STX1A: variants seen among roughly 807,000 people sequenced by gnomAD.
The protein encoded by STX1A is syntaxin-1A.
A neutral mutation model predicts 37.8 loss-of-function variants in STX1A; 4 were observed. That is an observed-to-expected ratio of 0.11 (90% CI 0.05 to 0.24). STX1A has a LOEUF of 0.24. Ranked by LOEUF, STX1A falls within the 10% of genes least tolerant of loss-of-function variation. STX1A has a pLI of 1.00. For synonymous variants in STX1A, 135 were observed against 147.4 expected, an observed-to-expected ratio of 0.92 and a Z score of 0.61; for missense variants, 251 against 399.9, an observed-to-expected ratio of 0.63 and a Z score of 3.18.
rs782627882 is a variant in STX1A, at chr7:73,709,131, G to A, written c.31-9C>T. 1 of 1,611,934 alleles carries A rather than the reference G, an allele frequency of 6.2e-7. No individual in the cohort carries two copies. Among genetic ancestry groups the A allele is most frequent in the South Asian group, 1.1e-5 (1 of 91,078 alleles). ...TCATCGCTGTCCTTGGCCTGTGCGGGGTTGTGCACACATAAGTGGACGTAT... is the reference window on the plus strand; with the variant it reads ...TCATCGCTGTCCTTGGCCTGTGCGGAGTTGTGCACACATAAGTGGACGTAT... On this transcript the variant is annotated splice_polypyrimidine_tract_variant and intron_variant, in intron 1 of 9. Coordinates refer to ENST00000222812, the MANE Select transcript of STX1A (RefSeq NM_004603.4). This position sits in a 1 kb window ranked among gnomAD's most constrained non-coding sequence, Gnocchi z 4.2.
Position 73,705,248 on chromosome 7 carries a change from G to T in STX1A, c.209-24C>A, listed in dbSNP as rs200546397. ...CTCTGGGGAGGTAGAAAGGGTGGGG[G>T]TAGGCCTCCTAGGCTCCGCGGGGAC... On this transcript the variant is annotated intron_variant, in intron 3 of 9. Coordinates refer to ENST00000222812, the MANE Select transcript of STX1A (RefSeq NM_004603.4). The surrounding 1 kb of genome is among the most constrained non-coding windows in gnomAD (Gnocchi z 5.2). 5.0e-6 allele frequency: 8 copies of T among 1,606,714 alleles called. No individual in the cohort carries two copies. In the African/African-American group the frequency reaches 1.1e-4, roughly 21 times the overall value.
chr7:73,701,676 T>C (rs1200611818), intron 8 of STX1A, among the ~76,000 whole-genome samples: 12 of 152,112 alleles, frequency 7.9e-5, no homozygotes, highest in Middle Eastern at 3.2e-3. Context: ...TCCAAGTCCA[T>C]CGGTTGCCTT....
intron 1 of STX1A, among the ~76,000 whole-genome samples, chr7:73,714,195 G>A (rs7776771): frequency 0.49 from 74,021 of 150,708 alleles, 18,455 homozygotes; most frequent in Middle Eastern, 0.63. Context: ...CACAACCTCC[G>A]CCTCCCAGGT....
intron 1 of STX1A, among the ~76,000 whole-genome samples, chr7:73,710,236 T>A (rs1046623315): frequency 1.3e-5 from 2 of 152,248 alleles, no homozygotes; most frequent in Non-Finnish European, 2.9e-5. Context: ...ATCATACTTC[T>A]GACTTCCCAG....
rs1584240754 is a variant in STX1A, at chr7:73,702,691, G to A, written c.678+154C>T. ...GAGGACAGGGACCTTCGGGTCGGCA[G>A]GGCCCTGGCGGCAGTTTCAACAGCG... On this transcript the variant is annotated intron_variant, in intron 8 of 9. Transcript: ENST00000222812. This position sits in a 1 kb window ranked among gnomAD's most constrained non-coding sequence, Gnocchi z 4.7. The A allele has an allele frequency of 6.7e-7, 1 of 1,501,088 alleles. No homozygotes were observed. The highest frequency in any genetic ancestry group is 8.9e-7 in the Non-Finnish European group (1 of 1,120,776). 93.0% of individuals were successfully genotyped at this position (1,501,088 alleles called of 1,614,324 possible).
chr7:73,707,302 G>A (rs1401771482), intron 3 of STX1A, among the ~76,000 whole-genome samples: 6 of 152,176 alleles, frequency 3.9e-5, no homozygotes, highest in South Asian at 2.1e-4. Context: ...GACAGAGTGC[G>A]AGCCTGACAC....
intron 1 of STX1A, among the ~76,000 whole-genome samples, chr7:73,718,968 C>G (rs879999275): frequency 5.9e-5 from 9 of 151,922 alleles, no homozygotes; most frequent in African/African-American, 1.7e-4. Flanking sequence ...GACGCCCCCC[C>G]CCCCATACCT....
chr7:73,702,381 G>A lies in STX1A; in HGVS notation c.678+464C>T, dbSNP rs1554616018. On this transcript the variant is annotated intron_variant, in intron 8 of 9. Coordinates refer to ENST00000222812, the MANE Select transcript of STX1A (RefSeq NM_004603.4). This position sits in a 1 kb window ranked among gnomAD's most constrained non-coding sequence, Gnocchi z 4.7. ...CACCTCAGCTGCCAGTCTCTGGGAC[G>A]GGGACCTGGAAACTTACAAGTCCTC... Among the ~76,000 whole-genome samples the A allele has an allele frequency of 6.6e-6, 1 of 152,142 alleles. No homozygotes were observed. Among genetic ancestry groups the A allele is most frequent in the East Asian group, 1.9e-4 (1 of 5,184 alleles).
At chr7:73,713,702 C>T (rs1373092434) in intron 1 of STX1A, among the ~76,000 whole-genome samples, 1 of 152,186 alleles carries the variant, frequency 6.6e-6, no homozygotes, top group Non-Finnish European at 1.5e-5. Context: ...TGCACTCCAG[C>T]TTAGGTGACA....
At chr7:73,710,399 G>C (rs1441381792) in intron 1 of STX1A, among the ~76,000 whole-genome samples, 2 of 152,178 alleles carry the variant, frequency 1.3e-5, no homozygotes, top group African/African-American at 4.8e-5. Flanking sequence ...TCAGCCTGGG[G>C]CTCAGGGCTT....
intron 2 of STX1A, 121 bp downstream of exon 2, chr7:73,708,924 G>T: frequency 1.8e-6 from 2 of 1,134,144 alleles, no homozygotes; most frequent in Non-Finnish European, 2.7e-6. Flanking sequence ...TTCATTCGTT[G>T]GCACCCCGGA....
rs1267018419 is a variant in STX1A, at chr7:73,719,666, G to T, written c.-35C>A. ...AGTGGCAGCGGCGCCGGCTGCAGCC[G>T]TGTGAGCCCCGCATGCGCGACGGCC... On this transcript the variant is annotated 5_prime_UTR_variant, in exon 1 of 10. Transcript: ENST00000222812. 6.8e-6 allele frequency: 8 copies of T among 1,169,398 alleles called. No individual in the cohort carries two copies. Among genetic ancestry groups the T allele is most frequent in the Non-Finnish European group, 6.3e-6 (6 of 945,444 alleles). The allele number at this position is 1,169,398 out of a possible 1,614,324, so 72.4% of individuals were successfully genotyped here.
rs371575027 is a variant in STX1A at position 73,705,180 on chromosome 7, T to C, written c.253A>G (p.Thr85Ala). Reference protein sequence around the residue: ...LEELMSDIKKTANKVRSKLKS... With the variant: ...LEELMSDIKKAANKVRSKLKS... ...AACTTGGAACGAACTTTGTTTGCTG[T>C]CTTCTTTATGTCGGACATGAGTTCT... is the stretch of plus-strand genomic sequence containing the variant. The change falls in exon 4 of 10, where the codon ACA (threonine) becomes GCA (alanine). Residue 85 changes from threonine to alanine, a missense_variant. Coordinates refer to ENST00000222812, the MANE Select transcript of STX1A (RefSeq NM_004603.4). This position sits in a 1 kb window ranked among gnomAD's most constrained non-coding sequence, Gnocchi z 5.2. The C allele has an allele frequency of 1.2e-6, 2 of 1,613,918 alleles. No individual in the cohort carries two copies. The highest frequency in any genetic ancestry group is 1.7e-6 in the Non-Finnish European group (2 of 1,180,008).
intron 3 of STX1A, among the ~76,000 whole-genome samples, 176 bp downstream of exon 3, chr7:73,708,413 C>T (rs1437715954): frequency 3.9e-5 from 6 of 152,148 alleles, no homozygotes; most frequent in African/African-American, 1.4e-4. Flanking sequence ...AGTTCCAAGC[C>T]GGGGACAGCT....
intron 1 of STX1A, chr7:73,716,807 T>A (rs1484897830): frequency 3.3e-5 from 5 of 152,254 alleles, no homozygotes; most frequent in African/African-American, 1.2e-4. Context: ...AGGAAGAAAA[T>A]CAGGGAGTCT....
Position 73,704,426 on chromosome 7 carries a change from G to T in STX1A, c.284-3C>A. The stretch of plus-strand genomic sequence containing the variant: ...TTGCTCGATGGACTGCTCGATGCCT[G>T]GGGGCACAGGTGGCTGCTAAGTCAT... On this transcript the variant is annotated splice_region_variant and splice_polypyrimidine_tract_variant and intron_variant, in intron 4 of 9. Transcript: ENST00000222812. 1 of 1,614,062 alleles carries T rather than the reference G, an allele frequency of 6.2e-7. No homozygotes were observed. The highest frequency in any genetic ancestry group is 8.5e-7 in the Non-Finnish European group (1 of 1,179,994).
chr7:73,711,987 C>A (rs1799118112), intron 1 of STX1A, among the ~76,000 whole-genome samples: 2 of 152,128 alleles, frequency 1.3e-5, no homozygotes, highest in African/African-American at 4.8e-5. Context: ...GCTTCTCTAA[C>A]AGAAGGGCTG....
Position 73,700,850 on chromosome 7 carries a change from CG to C in STX1A, c.679-11del. The C allele has an allele frequency of 1.2e-6, 2 of 1,612,404 alleles. No homozygotes were observed. On this transcript the variant is annotated splice_polypyrimidine_tract_variant and intron_variant, in intron 8 of 9. Coordinates refer to ENST00000222812, the MANE Select transcript of STX1A (RefSeq NM_004603.4). The surrounding 1 kb of genome is among the most constrained non-coding windows in gnomAD (Gnocchi z 4.4). ...TGTCAATCATCTCTCCCTGCGGGGC[CG>C]GGGGCACCCGAGCTCCAGAGGGCCC... is the stretch of plus-strand genomic sequence containing the variant.
chr7:73,709,172 G>A lies in STX1A; in HGVS notation c.31-50C>T. 6.3e-7 allele frequency: 1 copy of A among 1,586,686 alleles called. No individual in the cohort carries two copies. The highest frequency in any genetic ancestry group is 8.6e-7 in the Non-Finnish European group (1 of 1,164,310). On this transcript the variant is annotated intron_variant, in intron 1 of 9. Transcript: ENST00000222812. The surrounding 1 kb of genome is among the most constrained non-coding windows in gnomAD (Gnocchi z 4.2). ...GTGGACGTATGTACAGGACCCACCTGTACACACGCAGGTGCCCAGGGTACA... is the reference window on the plus strand; with the variant it reads ...GTGGACGTATGTACAGGACCCACCTATACACACGCAGGTGCCCAGGGTACA...
Sources: allele counts gnomAD v4.1 joint callset (sites outside exome capture counted in the v4.1 genomes callset), GRCh38; gene constraint gnomAD v4.1.1; non-coding constraint Gnocchi (gnomAD v3.1); transcripts MANE v1.5; gene names NCBI Gene and HGNC (gene_info 2026-07-23, HGNC 2026-07-21).